Variants in CENPE observed in about 807,000 individuals in gnomAD.
CENPE encodes the protein centromere protein E, also known as centromere-associated protein E.
A neutral mutation model predicts 336.1 loss-of-function variants in CENPE; 145 were observed. The observed-to-expected ratio is 0.43, with a 90% CI of 0.38 to 0.50. The LOEUF is 0.50. Among genes scored for constraint, CENPE ranks in the 20% least tolerant of loss-of-function variants. The pLI, the probability that CENPE is intolerant of heterozygous loss-of-function variation, is 0.00. For missense variants in CENPE, 2,719 were observed against 3,023.3 expected (o/e 0.90, Z 2.36); for synonymous variants, 1,013 against 984.8 (o/e 1.03, Z -0.54).
chr4:103,194,358 A>G lies in CENPE; in HGVS notation c.627+16T>C. On this transcript the variant is annotated intron_variant, in intron 7 of 48. Coordinates refer to ENST00000265148, the MANE Select transcript of CENPE (RefSeq NM_001813.3). ...TCTTACTTGGAAAGATCTAACAGAT[A>G]GATAGAATTACCTACCATCCTAAAG... 6.2e-7 allele frequency: 1 copy of G among 1,607,922 alleles called. No individual in the cohort carries two copies. Among genetic ancestry groups the G allele is most frequent in the East Asian group, 2.2e-5 (1 of 44,730 alleles).
At chr4:103,160,030 T>C (rs1269825460) in intron 21 of CENPE, among the ~76,000 whole-genome samples, 1 of 151,672 alleles carries the variant, frequency 6.6e-6, no homozygotes, top group Non-Finnish European at 1.5e-5. Context: ...TAATGGGTTA[T>C]TGGGACTAAA....
In CENPE at chr4:103,174,910, T is replaced by A; in HGVS notation, c.1480-7A>T. On this transcript the variant is annotated splice_region_variant and splice_polypyrimidine_tract_variant and intron_variant, in intron 15 of 48. Transcript: ENST00000265148. ...ACTCACTTTCTATATTCTCCTATTA[T>A]AAACAAGAACAGATTTTCCAATCAG... 7.0e-7 allele frequency: 1 copy of A among 1,431,708 alleles called. No individual in the cohort carries two copies. Among genetic ancestry groups the A allele is most frequent in the Non-Finnish European group, 9.2e-7 (1 of 1,089,738 alleles). 88.7% of individuals were successfully genotyped at this position (1,431,708 alleles called of 1,614,324 possible).
chr4:103,168,272 G>A (rs895607035), intron 16 of CENPE, among the ~76,000 whole-genome samples: 13 of 151,796 alleles, frequency 8.6e-5, no homozygotes, highest in Non-Finnish European at 1.5e-4. Flanking sequence ...GGGAACTGCT[G>A]GGTGAAGCAC....
chr4:103,111,899 T>C (rs185032975), intron 46 of CENPE, among the ~76,000 whole-genome samples: 1 of 152,038 alleles, frequency 6.6e-6, no homozygotes, highest in Non-Finnish European at 1.5e-5. Context: ...GCAAATATCA[T>C]CTTATGTTTT....
At chr4:103,108,623 T>G (rs914901462) in intron 48 of CENPE, among the ~76,000 whole-genome samples, 180 bp downstream of exon 48, 1 of 152,152 alleles carries the variant, frequency 6.6e-6, no homozygotes, top group African/African-American at 2.4e-5. Context: ...TGAATTGCAC[T>G]TCACTGTGTG....
At chr4:103,187,972 A>G (rs1054543451) in intron 8 of CENPE, among the ~76,000 whole-genome samples, 4 of 152,030 alleles carry the variant, frequency 2.6e-5, no homozygotes, top group Middle Eastern at 3.2e-3. Context: ...AATGGAAAAC[A>G]AAAAAAGGCA....
chr4:103,182,327 G>C (rs1227301930), intron 11 of CENPE, among the ~76,000 whole-genome samples: 1 of 152,104 alleles, frequency 6.6e-6, no homozygotes, highest in Non-Finnish European at 1.5e-5. Flanking sequence ...TTTTAAAATA[G>C]AAAATGTAGG....
At position 103,159,045 on chromosome 4, in the gene CENPE, T is replaced by G; in HGVS notation, c.2566A>C (p.Lys856Gln). Residue 856 changes from lysine to glutamine, a missense_variant, in exon 22 of 49, where the codon AAA becomes CAA. Around this residue, in one of 5 missense-constraint regions of CENPE, gnomAD observed 2,437 missense variants for 2,513.3 expected, o/e 0.97. Transcript: ENST00000265148. Reference sequence around the variant, plus strand: ...AAAGCACCCAAACTCGAATCAAATTTTTGGGCTTCTTTAGAGAGATTAACT... The same window carrying G: ...AAAGCACCCAAACTCGAATCAAATTGTTGGGCTTCTTTAGAGAGATTAACT... The part of the protein sequence containing the change: ...EIVNLSKEAQ[K>Q]FDSSLGALKT... The G allele has an allele frequency of 6.5e-7, 1 of 1,535,856 alleles. No homozygotes were observed. The highest frequency in any genetic ancestry group is 8.7e-7 in the Non-Finnish European group (1 of 1,148,532).
intron 40 of CENPE, among the ~76,000 whole-genome samples, chr4:103,134,983 T>A (rs1021643806): frequency 2.4e-4 from 37 of 152,372 alleles, no homozygotes; most frequent in African/African-American, 8.4e-4. Context: ...CTCTCTGAAG[T>A]ATTTGCCACT....
intron 8 of CENPE, 117 bp downstream of exon 8, chr4:103,194,112 T>C (rs1257030656): frequency 1.4e-6 from 1 of 724,322 alleles, no homozygotes; most frequent in Non-Finnish European, 2.3e-6. Context: ...AGACAATTTG[T>C]AGATTTCCTC....
At position 103,158,451 on chromosome 4, in the gene CENPE, T is replaced by C. The variant is rs558353104; in HGVS notation, c.2882A>G (p.Asp961Gly). ...AGCATTTCGTAATTGTTCTTGAGTA[T>C]CTATATTCTTTGTTAGAAAAATATA... ...DIHDTVNMNI[D>G]TQEQLRNALE... Residue 961 changes from aspartate to glycine, a missense_variant, in exon 24 of 49, where the codon GAT becomes GGT. This residue lies in a region of CENPE where 2,437 missense variants were observed against 2,513.3 expected (regional missense o/e 0.97). Transcript: ENST00000265148. 6.4e-7 allele frequency: 1 copy of C among 1,554,274 alleles called. No individual in the cohort carries two copies. The highest frequency in any genetic ancestry group is 8.7e-7 in the Non-Finnish European group (1 of 1,155,146).
chr4:103,123,776 A>G (rs1038580979), intron 42 of CENPE, among the ~76,000 whole-genome samples: 2 of 152,202 alleles, frequency 1.3e-5, no homozygotes, highest in Non-Finnish European at 2.9e-5. Context: ...GCATCTAGGA[A>G]GACTTCAGCA....
chr4:103,157,609 G>C (rs1044602696), intron 24 of CENPE, among the ~76,000 whole-genome samples: 1 of 151,868 alleles, frequency 6.6e-6, no homozygotes, highest in African/African-American at 2.4e-5. Flanking sequence ...TTGCTCAATG[G>C]GTATAGTTTT....
intron 42 of CENPE, 65 bp downstream of exon 42, chr4:103,132,628 G>A: frequency 1.4e-6 from 1 of 737,444 alleles, no homozygotes; most frequent in East Asian, 2.8e-5. Flanking sequence ...GCCCTTTTAA[G>A]AATGAGGTAG....
chr4:103,132,964 A>ATATATATATATATATTT (rs1259634724), intron 41 of CENPE, 68 bp from the exon 42 acceptor site: 14 of 184,584 alleles, frequency 7.6e-5, no homozygotes, highest in Non-Finnish European at 1.4e-4. Context: ...TTTTATTTAT[A>ATATATATATATATATTT]TATATATATA....
At position 103,138,343 on chromosome 4, in the gene CENPE, G is replaced by T. The variant is rs1357683434; in HGVS notation, c.6303+8C>A. 4.5e-6 allele frequency: 7 copies of T among 1,562,504 alleles called. No homozygotes were observed. The East Asian group carries it at 1.1e-4, about 25-fold the overall frequency. ...TAATCATTTGTAGTTTTAACAGGGG[G>T]TACTTACTTTTATTCTAGAGCACTT... On this transcript the variant is annotated splice_region_variant and intron_variant, in intron 39 of 48. Coordinates refer to ENST00000265148, the MANE Select transcript of CENPE (RefSeq NM_001813.3).
In CENPE at chr4:103,144,606, G is replaced by T; in HGVS notation, c.4870C>A (p.Gln1624Lys). 1 of 1,602,446 alleles carries T rather than the reference G, an allele frequency of 6.2e-7. No individual in the cohort carries two copies. The highest frequency in any genetic ancestry group is 1.1e-5 in the South Asian group (1 of 88,580). Residue 1624 changes from glutamine (Q) to lysine (K), a missense_variant, in exon 33 of 49, where the codon CAA becomes AAA. This residue lies in a region of CENPE where 2,437 missense variants were observed against 2,513.3 expected (regional missense o/e 0.97). Coordinates refer to ENST00000265148, the MANE Select transcript of CENPE (RefSeq NM_001813.3). ...KEIVAKMKESQEKEYQFLKMT... is the reference protein window; with the variant it reads ...KEIVAKMKESKEKEYQFLKMT... ...TTAAGAAACTGATATTCTTTTTCTT[G>T]AGATTCTTTCATCTGAGAAAATTAT... is the stretch of plus-strand genomic sequence containing the variant.
chr4:103,170,247 A>T (rs576640922), intron 16 of CENPE, among the ~76,000 whole-genome samples: 12 of 152,264 alleles, frequency 7.9e-5, no homozygotes, highest in African/African-American at 2.9e-4. Flanking sequence ...ACAAATCTGT[A>T]TGTTATGCAC....
intron 46 of CENPE, among the ~76,000 whole-genome samples, chr4:103,111,332 A>C (rs1749398734): frequency 6.6e-6 from 1 of 152,134 alleles, no homozygotes; most frequent in Admixed American, 6.6e-5. Flanking sequence ...TATATTTTCT[A>C]CATCAGTTTT....
Sources: gnomAD v4.1 joint callset for allele counts (sites outside exome capture counted in the v4.1 genomes callset) on GRCh38, gnomAD v4.1.1 for gene constraint, gnomAD v4.1.1 regional missense constraint, MANE v1.5 for transcripts, NCBI Gene and HGNC (gene_info 2026-07-23, HGNC 2026-07-21) for gene names.